Variants in TAFA1 observed in about 807,000 individuals in gnomAD.
TAFA1 encodes chemokine-like protein TAFA-1.
TAFA1 carries 4 observed loss-of-function variants against 18.5 expected under a neutral mutation model. The observed-to-expected ratio is 0.22, with a 90% CI of 0.11 to 0.49. The LOEUF is 0.49. TAFA1 is among the 20% of genes least tolerant of loss of function. The pLI is 0.98. For missense variants in TAFA1, 147 were observed against 169.0 expected (o/e 0.87, Z 0.72); for synonymous variants, 56 against 55.2 (o/e 1.01, Z -0.06).
chr3:68,129,829 CTT>C (rs1378790432), intron 2 of TAFA1, among the ~76,000 whole-genome samples: 1 of 152,132 alleles, frequency 6.6e-6, no homozygotes, highest in African/African-American at 2.4e-5. Flanking sequence ...AAAGTTCCTT[CTT>C]GAAGTAAGTT....
intron 3 of TAFA1, among the ~76,000 whole-genome samples, chr3:68,452,538 A>AAAC (rs2071582673): frequency 6.6e-6 from 1 of 151,210 alleles, no homozygotes; most frequent in Non-Finnish European, 1.5e-5. Context: ...AAAAAAAAAA[A>AAAC]AAACTAGCAA....
intron 2 of TAFA1, among the ~76,000 whole-genome samples, chr3:68,281,603 G>A (rs921688869): frequency 6.6e-6 from 1 of 151,378 alleles, no homozygotes; most frequent in African/African-American, 2.4e-5. Flanking sequence ...CTGAGTAGTC[G>A]GGACTGCAGG....
chr3:68,092,291 G>A (rs923459541), intron 2 of TAFA1, among the ~76,000 whole-genome samples: 4 of 151,844 alleles, frequency 2.6e-5, no homozygotes, highest in African/African-American at 7.3e-5. Flanking sequence ...TCTAGATTTG[G>A]GATAAAACCT....
intron 2 of TAFA1, among the ~76,000 whole-genome samples, chr3:68,229,325 C>T (rs543900605): frequency 6.6e-6 from 1 of 152,194 alleles, no homozygotes; most frequent in African/African-American, 2.4e-5. Context: ...TATAACAAAT[C>T]CTTATATGCT....
intron 2 of TAFA1, among the ~76,000 whole-genome samples, chr3:68,056,396 G>A (rs187366445): frequency 2.6e-5 from 4 of 152,226 alleles, no homozygotes; most frequent in Admixed American, 2.6e-4. Flanking sequence ...TTTTAAAATT[G>A]CAAGTCCCAT....
chr3:68,404,444 C>A (rs907415584), intron 2 of TAFA1, among the ~76,000 whole-genome samples: 1 of 152,082 alleles, frequency 6.6e-6, no homozygotes, highest in African/African-American at 2.4e-5. Flanking sequence ...AGTAAGTGGT[C>A]CATAGATGAA....
chr3:68,075,713 T>C (rs2064815057), intron 2 of TAFA1, among the ~76,000 whole-genome samples: 1 of 151,898 alleles, frequency 6.6e-6, no homozygotes. Flanking sequence ...TTTTTTTTTT[T>C]TTGGACAAGG....
intron 2 of TAFA1, among the ~76,000 whole-genome samples, chr3:68,049,615 G>A (rs2064440436): frequency 6.6e-6 from 1 of 151,726 alleles, no homozygotes; most frequent in Non-Finnish European, 1.5e-5. Context: ...GGAGTTGGAG[G>A]GAATATTTCC....
chr3:68,438,219 C>T (rs1276945990), intron 3 of TAFA1, among the ~76,000 whole-genome samples: 1 of 151,994 alleles, frequency 6.6e-6, no homozygotes, highest in Non-Finnish European at 1.5e-5. Flanking sequence ...TTCATTGGGT[C>T]TGGTGGCACA....
At chr3:68,263,361 A>G (rs183706710) in intron 2 of TAFA1, among the ~76,000 whole-genome samples, 2 of 152,010 alleles carry the variant, frequency 1.3e-5, no homozygotes, top group East Asian at 3.9e-4. Context: ...TTTTTGTGGA[A>G]CATACACAAA....
At chr3:68,325,478 G>C (rs1337468260) in intron 2 of TAFA1, among the ~76,000 whole-genome samples, 6 of 152,064 alleles carry the variant, frequency 3.9e-5, no homozygotes, top group Non-Finnish European at 8.8e-5. Context: ...GTAGAGCCTG[G>C]CATGAGATAA....
intron 2 of TAFA1, among the ~76,000 whole-genome samples, chr3:68,152,723 C>T (rs1449668083): frequency 6.6e-6 from 1 of 152,118 alleles, no homozygotes; most frequent in Non-Finnish European, 1.5e-5. Flanking sequence ...TTAAGTAGCA[C>T]TTCCAAAGTG....
intron 3 of TAFA1, among the ~76,000 whole-genome samples, chr3:68,493,430 A>G (rs2072489543): frequency 6.6e-6 from 1 of 152,328 alleles, no homozygotes. Flanking sequence ...GCTACTGTAA[A>G]TAATGCTGCT....
chr3:68,452,983 C>G (rs2071592172), intron 3 of TAFA1, among the ~76,000 whole-genome samples: 1 of 152,152 alleles, frequency 6.6e-6, no homozygotes, highest in South Asian at 2.1e-4. Context: ...CTACTCGCCT[C>G]TTTGAATGAT....
intron 2 of TAFA1, among the ~76,000 whole-genome samples, chr3:68,199,064 G>A (rs1160199796): frequency 1.3e-5 from 2 of 151,460 alleles, no homozygotes. Flanking sequence ...TAAAGTCTGT[G>A]CCTTGATTGA....
At chr3:68,475,692 G>C (rs1041303398) in intron 3 of TAFA1, among the ~76,000 whole-genome samples, 1 of 152,076 alleles carries the variant, frequency 6.6e-6, no homozygotes, top group African/African-American at 2.4e-5. Context: ...GGATGGCTGG[G>C]TCAAATGGTA....
intron 3 of TAFA1, among the ~76,000 whole-genome samples, chr3:68,486,902 C>T (rs1207101883): frequency 3.9e-5 from 6 of 152,092 alleles, no homozygotes; most frequent in Admixed American, 3.3e-4. Context: ...TTGGTATGCT[C>T]ATTTTTAAAA....
At chr3:68,453,649 G>A (rs1419492374) in intron 3 of TAFA1, among the ~76,000 whole-genome samples, 1 of 152,182 alleles carries the variant, frequency 6.6e-6, no homozygotes, top group Non-Finnish European at 1.5e-5. Flanking sequence ...AACAGATTCT[G>A]TGTAAGCATC....
intron 3 of TAFA1, among the ~76,000 whole-genome samples, chr3:68,513,505 A>T (rs1001427013): frequency 1.3e-5 from 2 of 152,164 alleles, no homozygotes; most frequent in African/African-American, 4.8e-5. Context: ...CTTATTTGAC[A>T]GCCATAGTGT....
Sources: allele counts gnomAD v4.1 joint callset (sites outside exome capture counted in the v4.1 genomes callset), GRCh38; gene constraint gnomAD v4.1.1; transcripts MANE v1.5; gene names NCBI Gene and HGNC (gene_info 2026-07-23, HGNC 2026-07-21).